The following YEATS2 variants were observed in gnomAD, a reference collection of about 807,000 sequenced individuals.
YEATS2 encodes the protein YEATS domain containing 2, also known as YEATS domain-containing protein 2.
A neutral mutation model predicts 163.2 loss-of-function variants in YEATS2; 77 were observed. The ratio of observed to expected loss-of-function variants is 0.47; its 90% CI spans 0.39 to 0.57. The LOEUF (loss-of-function observed/expected upper bound fraction) is 0.57. Ranked by LOEUF, YEATS2 falls within the 20% of genes least tolerant of loss-of-function variation. The pLI, the probability that YEATS2 is intolerant of heterozygous loss-of-function variation, is 0.00. For synonymous variants in YEATS2, 631 were observed against 645.1 expected (o/e 0.98, Z 0.33); for missense variants, 1,549 against 1,729.8 (o/e 0.90, Z 1.85).
Position 183,777,673 on chromosome 3 carries a change from T to C in YEATS2, c.2709T>C (p.Ser903=), listed in dbSNP as rs1723129968. Residue 903 remains serine, a synonymous_variant, in exon 19 of 31, where the codon TCT becomes TCC. Coordinates refer to ENST00000305135, the MANE Select transcript of YEATS2 (RefSeq NM_018023.5). ...AQGQQTLKVI[S]GQKTTLFTQA... is the part of the protein sequence containing the mutation. Reference sequence around the variant, plus strand: ...GACAACAAACGCTAAAAGTCATCTCTGGACAGAAAACCACATTGTTTACAC... The same window carrying C: ...GACAACAAACGCTAAAAGTCATCTCCGGACAGAAAACCACATTGTTTACAC... The C allele has an allele frequency of 6.2e-7, 1 of 1,614,084 alleles. No individual in the cohort carries two copies. Among genetic ancestry groups the C allele is most frequent in the South Asian group, 1.1e-5 (1 of 91,088 alleles).
At chr3:183,798,208 C>T (rs1725340238) in intron 22 of YEATS2, among the ~76,000 whole-genome samples, 157 bp downstream of exon 22, 1 of 152,214 alleles carries the variant, frequency 6.6e-6, no homozygotes, top group Non-Finnish European at 1.5e-5. Flanking sequence ...TCATGGTATT[C>T]CCAGCGCCTT....
In YEATS2 at chr3:183,792,577, G is replaced by A. The variant is rs570420132; in HGVS notation, c.3097+1597G>A. ...CTGTCGCCCACGCTGGAGTGCAGTGGCATGATCTCGGCTCACTGCAACCTC... is the reference window on the plus strand; with the variant it reads ...CTGTCGCCCACGCTGGAGTGCAGTGACATGATCTCGGCTCACTGCAACCTC... On this transcript the variant is annotated intron_variant, in intron 21 of 30. Transcript: ENST00000305135. 6.6e-5 allele frequency among the ~76,000 whole-genome samples: 10 copies of A among 152,218 alleles called. No homozygotes were observed. In the East Asian group the frequency reaches 1.7e-3, roughly 26 times the overall value.
intron 20 of YEATS2, among the ~76,000 whole-genome samples, chr3:183,790,061 C>T (rs1724462535): frequency 6.6e-6 from 1 of 152,208 alleles, no homozygotes; most frequent in Admixed American, 6.5e-5. Flanking sequence ...TTTGCAGCTT[C>T]TTGAACATAC....
intron 7 of YEATS2, among the ~76,000 whole-genome samples, chr3:183,732,581 A>G (rs763870381): frequency 2.7e-5 from 4 of 150,912 alleles, no homozygotes; most frequent in Non-Finnish European, 5.9e-5. Flanking sequence ...GTTTTTTGAG[A>G]CAGAGTCTCG....
rs942452753 is a variant in YEATS2, at chr3:183,786,298, A to G, written c.2910A>G (p.Gln970=). ...CCCTCTCAGCAAACGGTCCTGCACA[A>G]CAGGTGAGAAATAGCATGTCAGTAG... ...AVALSANGPA[Q]QSEGMAPVSS... The change falls in exon 20 of 31, where the codon CAA becomes CAG. Residue 970 remains glutamine (Q), a synonymous_variant. Coordinates refer to ENST00000305135, the MANE Select transcript of YEATS2 (RefSeq NM_018023.5). 13 of 1,606,648 alleles carry G rather than the reference A, an allele frequency of 8.1e-6. No homozygotes were observed. Among genetic ancestry groups the G allele is most frequent in the Non-Finnish European group, 1.1e-5 (13 of 1,174,422 alleles).
At chr3:183,700,967 A>T (rs1270787178) in intron 1 of YEATS2, among the ~76,000 whole-genome samples, 1 of 151,844 alleles carries the variant, frequency 6.6e-6, no homozygotes, top group East Asian at 1.9e-4. Flanking sequence ...TTATGGAATT[A>T]GATAGTGGTG....
chr3:183,792,149 T>A (rs1421643854), intron 21 of YEATS2, among the ~76,000 whole-genome samples: 1 of 152,204 alleles, frequency 6.6e-6, no homozygotes, highest in Non-Finnish European at 1.5e-5. Flanking sequence ...AAATTTTACT[T>A]TAAGTTCTAG....
rs1327233759 is a variant in YEATS2, at chr3:183,721,956, A to T, written c.357A>T (p.Pro119=). The stretch of plus-strand genomic sequence containing the variant: ...CTATCAAGAAATTTTTGGAATCACC[A>T]TCTAGGTCATCATCTCCTGCCAATC... ...HPAIKKFLES[P]SRSSSPANQR... is the part of the protein sequence containing the mutation. Residue 119 remains proline, a synonymous_variant, in exon 5 of 31, where the codon CCA becomes CCT. Transcript: ENST00000305135. 6.2e-7 allele frequency: 1 copy of T among 1,614,050 alleles called. No individual in the cohort carries two copies.
intron 8 of YEATS2, among the ~76,000 whole-genome samples, 183 bp from the exon 9 acceptor site, chr3:183,747,488 TC>T (rs1457146921): frequency 2.0e-5 from 3 of 152,108 alleles, no homozygotes; most frequent in African/African-American, 7.2e-5. Flanking sequence ...TAACTATATG[TC>T]TGAGGTTTTT....
intron 15 of YEATS2, 24 bp downstream of exon 15, chr3:183,762,303 A>G (rs1478127407): frequency 6.5e-7 from 1 of 1,540,054 alleles, no homozygotes; most frequent in African/African-American, 1.4e-5. Flanking sequence ...AGAGATGGGA[A>G]ATTTCACATG....
At position 183,752,064 on chromosome 3, in the gene YEATS2, A is replaced by T. The variant is rs756447381; in HGVS notation, c.970-9A>T. ...GACTCATGAGCCTGATTGTTGCCCA[A>T]TTGTCTAGGTAGTGGATGTTGAACT... On this transcript the variant is annotated splice_polypyrimidine_tract_variant and intron_variant, in intron 9 of 30. Transcript: ENST00000305135. 1.2e-6 allele frequency: 2 copies of T among 1,613,674 alleles called. No individual in the cohort carries two copies. The highest frequency in any genetic ancestry group is 1.1e-5 in the South Asian group (1 of 91,046).
chr3:183,772,192 T>C, intron 15 of YEATS2, 113 bp from the exon 16 acceptor site: 1 of 1,453,002 alleles, frequency 6.9e-7, no homozygotes, highest in Non-Finnish European at 9.4e-7. Context: ...CCTAGATGAC[T>C]GAATTAGGCT....
intron 8 of YEATS2, among the ~76,000 whole-genome samples, chr3:183,744,738 C>A (rs2109232093): frequency 6.6e-6 from 1 of 152,254 alleles, no homozygotes; most frequent in South Asian, 2.1e-4. Context: ...TTAGTTAACT[C>A]TTGGAGCCAT....
intron 16 of YEATS2, among the ~76,000 whole-genome samples, chr3:183,772,913 G>A (rs1002758371): frequency 6.6e-6 from 1 of 152,060 alleles, no homozygotes. Flanking sequence ...TACTGTTTAC[G>A]TATAACCTAT....
At chr3:183,807,216 C>G in intron 28 of YEATS2, 124 bp downstream of exon 28, 1 of 858,906 alleles carries the variant, frequency 1.2e-6, no homozygotes. Flanking sequence ...GACCCAGACT[C>G]TTCTGGTGCC....
intron 1 of YEATS2, among the ~76,000 whole-genome samples, chr3:183,707,582 A>G (rs2108984822): frequency 6.6e-6 from 1 of 152,254 alleles, no homozygotes; most frequent in South Asian, 2.1e-4. Context: ...TAGAAAGGAC[A>G]GGGCCAGGAA....
In YEATS2 at chr3:183,718,521, A is replaced by T. The variant is rs1426538603; in HGVS notation, c.220A>T (p.Met74Leu). ...TTAGCGACTGATTGAAGCAAGAAGG[A>T]TGATGGATAAACTGCGTGCCTGCAT... ...IDQRLIEARR[M>L]MDKLRACIVA... is the part of the protein sequence containing the mutation. The change falls in exon 4 of 31, where the codon ATG becomes TTG. Residue 74 changes from methionine (M) to leucine (L), a missense_variant. Met to Leu is a conservative substitution (Grantham distance 15). Coordinates refer to ENST00000305135, the MANE Select transcript of YEATS2 (RefSeq NM_018023.5). 4 of 1,613,008 alleles carry T rather than the reference A, an allele frequency of 2.5e-6. No homozygotes were observed. Among genetic ancestry groups the T allele is most frequent in the Non-Finnish European group, 3.4e-6 (4 of 1,179,718 alleles).
chr3:183,773,883 C>G (rs1000867938), intron 17 of YEATS2, 89 bp downstream of exon 17: 2 of 1,424,300 alleles, frequency 1.4e-6, no homozygotes, highest in Non-Finnish European at 1.9e-6. Context: ...TTACCTGTTT[C>G]AGGAAGCATT....
intron 7 of YEATS2, among the ~76,000 whole-genome samples, chr3:183,730,919 A>G (rs954948450): frequency 6.6e-6 from 1 of 152,196 alleles, no homozygotes; most frequent in Non-Finnish European, 1.5e-5. Flanking sequence ...TGGCTGGTGA[A>G]AAGTTTTGTG....
Sources: gnomAD v4.1 joint callset for allele counts (sites outside exome capture counted in the v4.1 genomes callset) on GRCh38, gnomAD v4.1.1 for gene constraint, MANE v1.5 for transcripts, NCBI Gene and HGNC (gene_info 2026-07-23, HGNC 2026-07-21) for gene names.